The following NTNG1 variants were observed in gnomAD, a reference collection of about 807,000 sequenced individuals.
NTNG1 encodes the protein netrin-G1.
In NTNG1, 16 loss-of-function variants were observed where a neutral mutation model predicts 54.0. The observed-to-expected ratio is 0.30, with a 90% CI of 0.20 to 0.45. The LOEUF (loss-of-function observed/expected upper bound fraction) is 0.45, where lower values mean the gene tolerates loss of function less well. Ranked by LOEUF, NTNG1 falls within the 20% of genes least tolerant of loss-of-function variation. The pLI is 1.00. For missense variants in NTNG1, 530 were observed against 678.7 expected, an observed-to-expected ratio of 0.78 and a Z score of 2.43; for synonymous variants, 255 against 263.1, an observed-to-expected ratio of 0.97 and a Z score of 0.30.
chr1:107,426,525 A>G (rs1345987565), intron 5 of NTNG1, among the ~76,000 whole-genome samples: 1 of 152,018 alleles, frequency 6.6e-6, no homozygotes, highest in African/African-American at 2.4e-5. Context: ...CCATTGATCT[A>G]TGTGTCTATT....
At chr1:107,460,347 G>T in intron 7 of NTNG1, 3 of 517,902 alleles carry the variant, frequency 5.8e-6, no homozygotes, top group South Asian at 4.2e-5. Flanking sequence ...TCAGAAAGAG[G>T]TGAGCTCATT....
intron 2 of NTNG1, among the ~76,000 whole-genome samples, chr1:107,323,078 G>T (rs184934444): frequency 4.0e-5 from 6 of 150,846 alleles, no homozygotes; most frequent in Non-Finnish European, 8.8e-5. Flanking sequence ...TATCCTACAG[G>T]TATGATGAAA....
chr1:107,464,723 G>T (rs752901692), intron 7 of NTNG1, among the ~76,000 whole-genome samples: 2 of 152,150 alleles, frequency 1.3e-5, no homozygotes, highest in Non-Finnish European at 2.9e-5. Flanking sequence ...GAATGGTAAT[G>T]GGAGTGCAAT....
intron 2 of NTNG1, among the ~76,000 whole-genome samples, chr1:107,253,701 CTT>C (rs1241703138): frequency 6.6e-6 from 1 of 152,200 alleles, no homozygotes; most frequent in African/African-American, 2.4e-5. Flanking sequence ...CCTGTTTCCT[CTT>C]TTATTTTAAA....
chr1:107,177,433 C>G (rs1404009704), intron 2 of NTNG1, among the ~76,000 whole-genome samples: 1 of 151,982 alleles, frequency 6.6e-6, no homozygotes, highest in African/African-American at 2.4e-5. Context: ...CTCCTGGGTT[C>G]AAGCAATTCT....
chr1:107,222,470 G>T (rs1259616176), intron 2 of NTNG1, among the ~76,000 whole-genome samples: 1 of 152,166 alleles, frequency 6.6e-6, no homozygotes, highest in Non-Finnish European at 1.5e-5. Context: ...TGTGAGGAAT[G>T]AAATGTGGTA....
chr1:107,176,411 G>A (rs962326101), intron 2 of NTNG1, among the ~76,000 whole-genome samples: 7 of 152,112 alleles, frequency 4.6e-5, no homozygotes, highest in Admixed American at 1.3e-4. Context: ...GAATAAGTTC[G>A]CTGAATTAAT....
At chr1:107,216,258 A>G (rs1210060474) in intron 2 of NTNG1, among the ~76,000 whole-genome samples, 1 of 152,186 alleles carries the variant, frequency 6.6e-6, no homozygotes, top group Non-Finnish European at 1.5e-5. Context: ...ACTTTTCCCC[A>G]TTCAAGATAC....
intron 2 of NTNG1, among the ~76,000 whole-genome samples, chr1:107,281,276 G>C (rs916552838): frequency 1.3e-5 from 2 of 151,934 alleles, no homozygotes; most frequent in Admixed American, 6.6e-5. Context: ...GTAGAGTGAG[G>C]ACATGAATGA....
chr1:107,480,583 C>CCCCCCCCAAAAA, intron 7 of NTNG1, 28 bp from the exon 8 acceptor site: 1 of 744,750 alleles, frequency 1.3e-6, no homozygotes, highest in Non-Finnish European at 2.3e-6. Flanking sequence ...CGCGCCCACC[C>CCCCCCCCAAAAA]ACCCCTACCT....
chr1:107,354,117 T>A (rs1057229395), intron 3 of NTNG1, among the ~76,000 whole-genome samples: 2 of 152,136 alleles, frequency 1.3e-5, no homozygotes, highest in Non-Finnish European at 2.9e-5. Flanking sequence ...ATCCAGTTTA[T>A]TTTTTTCTAC....
intron 2 of NTNG1, among the ~76,000 whole-genome samples, chr1:107,286,818 A>G (rs1255669551): frequency 6.6e-6 from 1 of 152,180 alleles, no homozygotes; most frequent in Non-Finnish European, 1.5e-5. Context: ...TACAATGTCC[A>G]TAATTTCCTT....
chr1:107,429,918 G>A (rs1015789170), intron 5 of NTNG1, among the ~76,000 whole-genome samples: 11 of 152,032 alleles, frequency 7.2e-5, no homozygotes, highest in African/African-American at 2.7e-4. Context: ...TCATCTCCCT[G>A]TCTAGTCATT....
At chr1:107,361,374 C>CATAT (rs1553232701) in intron 3 of NTNG1, among the ~76,000 whole-genome samples, 2,542 of 87,808 alleles carry the variant, frequency 0.029, 98 homozygotes, top group African/African-American at 0.073. Context: ...TATATATATA[C>CATAT]ATATATATAT....
At chr1:107,453,818 A>T (rs1338350276) in intron 7 of NTNG1, among the ~76,000 whole-genome samples, 1 of 152,152 alleles carries the variant, frequency 6.6e-6, no homozygotes, top group Non-Finnish European at 1.5e-5. Context: ...TACTTTATTT[A>T]TTCTTCCAAT....
rs987532999 is a variant in NTNG1, at chr1:107,337,636, A to G, written c.887+12714A>G. 9.2e-5 allele frequency among the ~76,000 whole-genome samples: 14 copies of G among 152,152 alleles called. No individual in the cohort carries two copies. The East Asian group carries it at 1.6e-3, about 17-fold the overall frequency. ...ATGTGTTATGTGTATTTTAACAACA[A>G]CAACAAAAATAACTGCACAAACAAT... is the stretch of plus-strand genomic sequence containing the variant. On this transcript the variant is annotated intron_variant, in intron 3 of 7. Coordinates refer to ENST00000370068, the MANE Select transcript of NTNG1 (RefSeq NM_001113226.3).
intron 7 of NTNG1, among the ~76,000 whole-genome samples, chr1:107,472,303 G>C (rs1450989312): frequency 6.6e-6 from 1 of 152,158 alleles, no homozygotes; most frequent in Non-Finnish European, 1.5e-5. Context: ...GGTCAAGAAG[G>C]GGAGGGATTT....
intron 3 of NTNG1, among the ~76,000 whole-genome samples, chr1:107,351,555 C>G (rs1669601391): frequency 6.6e-6 from 1 of 152,160 alleles, no homozygotes; most frequent in Non-Finnish European, 1.5e-5. Flanking sequence ...TAATCTGCCC[C>G]CATGATCCAA....
chr1:107,246,304 C>T (rs1042059043), intron 2 of NTNG1, among the ~76,000 whole-genome samples: 1 of 151,912 alleles, frequency 6.6e-6, no homozygotes, highest in East Asian at 1.9e-4. Flanking sequence ...GTGCCCACCT[C>T]GGCCTCCAAA....
Sources: gnomAD v4.1 joint callset for allele counts (sites outside exome capture counted in the v4.1 genomes callset) on GRCh38, gnomAD v4.1.1 for gene constraint, MANE v1.5 for transcripts, NCBI Gene and HGNC (gene_info 2026-07-23, HGNC 2026-07-21) for gene names.